PIK3AP1: variants seen among roughly 807,000 people sequenced by gnomAD.
PIK3AP1 encodes phosphoinositide-3-kinase adaptor protein 1.
PIK3AP1 carries 21 observed loss-of-function variants against 88.1 expected under a neutral mutation model. That is an observed-to-expected ratio of 0.24 (90% confidence interval 0.17 to 0.34). PIK3AP1 has a LOEUF of 0.34. PIK3AP1 is among the 10% of genes least tolerant of loss of function. The probability of loss-of-function intolerance (pLI) is 1.00; values close to 1 mark genes in which losing one functional copy is unlikely to be tolerated. For missense variants in PIK3AP1, 828 were observed against 1,035.7 expected (o/e 0.80, Z 2.75); for synonymous variants, 398 against 400.0 (o/e 1.00, Z 0.06).
At chr10:96,713,288 G>C (rs758668674) in intron 1 of PIK3AP1, among the ~76,000 whole-genome samples, 1 of 151,332 alleles carries the variant, frequency 6.6e-6, no homozygotes, top group Non-Finnish European at 1.5e-5. Context: ...ACGAGGTCAG[G>C]AGATCAAAAC....
chr10:96,654,454 T>TG (rs765017291), intron 3 of PIK3AP1, among the ~76,000 whole-genome samples: 98 of 152,038 alleles, frequency 6.4e-4, no homozygotes, highest in Non-Finnish European at 1.3e-3. Flanking sequence ...ACACGTGATG[T>TG]GGGGGGTGAT....
Position 96,604,039 on chromosome 10 carries a change from A to T in PIK3AP1, c.2181T>A (p.Ser727Arg). ...DSTSSTASST[S>R]NRSSTRSLLS... is the part of the protein sequence containing the mutation. ...GGAGGCTCCGGGTGCTGGAGCGGTT[A>T]CTTGTGCTACCTAAAGGGTAGAAAG... The change falls in exon 15 of 17, where the codon AGT becomes AGA. Residue 727 changes from serine to arginine, a missense_variant. Ser to Arg is a moderately radical substitution (Grantham distance 110). Around this residue, in one of 3 missense-constraint regions of PIK3AP1, gnomAD observed 191 missense variants for 208.6 expected, o/e 0.92. Coordinates refer to ENST00000339364, the MANE Select transcript of PIK3AP1 (RefSeq NM_152309.3). The T allele has an allele frequency of 6.2e-7, 1 of 1,601,854 alleles. No homozygotes were observed. The highest frequency in any genetic ancestry group is 8.5e-7 in the Non-Finnish European group (1 of 1,172,716).
intron 6 of PIK3AP1, among the ~76,000 whole-genome samples, chr10:96,649,715 T>C (rs1843511016): frequency 1.3e-5 from 2 of 152,212 alleles, no homozygotes; most frequent in Admixed American, 6.5e-5. Context: ...ATAAGTAAGA[T>C]AGTATTCAGC....
intron 6 of PIK3AP1, among the ~76,000 whole-genome samples, chr10:96,649,195 C>T (rs146584188): frequency 5.3e-4 from 81 of 152,242 alleles, no homozygotes; most frequent in Non-Finnish European, 9.4e-4. Flanking sequence ...TACAGCTGTG[C>T]ATCACGCCCA....
rs113659291 is a variant in PIK3AP1, at chr10:96,718,248, G to C, written c.13+2134C>G. On this transcript the variant is annotated intron_variant, in intron 1 of 16. Coordinates refer to ENST00000339364, the MANE Select transcript of PIK3AP1 (RefSeq NM_152309.3). The stretch of plus-strand genomic sequence containing the variant: ...GGTGATGGCTACACATATCTGTAAA[G>C]ATACTAAAAACCACTGAATTGTATG... 6.9e-3 allele frequency among the ~76,000 whole-genome samples: 1,055 copies of C among 152,358 alleles called. 11 individuals carry two copies. Among genetic ancestry groups the C allele is most frequent in the African/African-American group, 0.022 (935 of 41,580 alleles).
At chr10:96,639,863 A>G (rs1843361003) in intron 8 of PIK3AP1, among the ~76,000 whole-genome samples, 1 of 152,216 alleles carries the variant, frequency 6.6e-6, no homozygotes, top group Non-Finnish European at 1.5e-5. Flanking sequence ...TAATGTAGTC[A>G]TTTTGCATAC....
intron 11 of PIK3AP1, 62 bp from the exon 12 acceptor site, chr10:96,620,619 G>A: frequency 6.8e-7 from 1 of 1,460,348 alleles, no homozygotes; most frequent in Non-Finnish European, 9.5e-7. Flanking sequence ...CACCAGAAGT[G>A]TACGGTTAAT....
At chr10:96,634,450 C>T (rs536329588) in intron 8 of PIK3AP1, among the ~76,000 whole-genome samples, 1 of 152,296 alleles carries the variant, frequency 6.6e-6, no homozygotes, top group East Asian at 1.9e-4. Context: ...GTCGGCATCA[C>T]GATCAGAAGC....
At chr10:96,644,392 T>C (rs145725934) in intron 8 of PIK3AP1, among the ~76,000 whole-genome samples, 1 of 152,372 alleles carries the variant, frequency 6.6e-6, no homozygotes, top group African/African-American at 2.4e-5. Flanking sequence ...TATTTTTAAA[T>C]TTAATGTCAG....
At chr10:96,646,307 C>G (rs1843459489) in intron 7 of PIK3AP1, among the ~76,000 whole-genome samples, 1 of 151,722 alleles carries the variant, frequency 6.6e-6, no homozygotes, top group African/African-American at 2.4e-5. Context: ...ATGTCAGGTA[C>G]AATGCTAGGT....
intron 2 of PIK3AP1, among the ~76,000 whole-genome samples, chr10:96,673,499 C>G (rs768771486): frequency 2.0e-5 from 3 of 152,142 alleles, no homozygotes; most frequent in South Asian, 4.1e-4. Context: ...CTACCACAGC[C>G]CCCCCCGAAA....
chr10:96,613,943 G>A (rs1479659335), intron 13 of PIK3AP1, among the ~76,000 whole-genome samples: 1 of 152,146 alleles, frequency 6.6e-6, no homozygotes, highest in Non-Finnish European at 1.5e-5. Context: ...TGAGGCTCAG[G>A]GAGGTGACAT....
chr10:96,664,437 G>A (rs1843734143), intron 2 of PIK3AP1, among the ~76,000 whole-genome samples: 2 of 152,134 alleles, frequency 1.3e-5, no homozygotes, highest in South Asian at 2.1e-4. Flanking sequence ...TAGTGAGAAA[G>A]CATTTCTTTG....
At chr10:96,638,100 A>C (rs1245573937) in intron 8 of PIK3AP1, among the ~76,000 whole-genome samples, 1 of 152,188 alleles carries the variant, frequency 6.6e-6, no homozygotes, top group African/African-American at 2.4e-5. Context: ...GAAGGACACA[A>C]ATTTTGGAGG....
intron 8 of PIK3AP1, among the ~76,000 whole-genome samples, chr10:96,640,443 T>C (rs1222078471): frequency 6.6e-6 from 1 of 151,972 alleles, no homozygotes; most frequent in Non-Finnish European, 1.5e-5. Context: ...CAAAATTAAT[T>C]ACCTAGGTCC....
At chr10:96,623,605 T>C in intron 10 of PIK3AP1, 68 bp from the exon 11 acceptor site, 1 of 1,388,654 alleles carries the variant, frequency 7.2e-7, no homozygotes, top group Non-Finnish European at 1.0e-6. Context: ...ATAATAATAA[T>C]GAATCCATAC....
chr10:96,674,474 A>C (rs1487934256), intron 2 of PIK3AP1, among the ~76,000 whole-genome samples: 1 of 152,276 alleles, frequency 6.6e-6, no homozygotes, highest in Non-Finnish European at 1.5e-5. Context: ...TGAAAAGTGC[A>C]AGACAAAGTT....
intron 8 of PIK3AP1, among the ~76,000 whole-genome samples, chr10:96,638,395 A>G (rs1843339887): frequency 1.3e-5 from 2 of 151,914 alleles, no homozygotes; most frequent in South Asian, 4.2e-4. Flanking sequence ...TTTCTTTACA[A>G]ATTACCCAGT....
chr10:96,643,772 G>C (rs1481338919), intron 8 of PIK3AP1, among the ~76,000 whole-genome samples: 2 of 152,174 alleles, frequency 1.3e-5, no homozygotes, highest in African/African-American at 4.8e-5. Context: ...TGAGTTCATG[G>C]ATGGGAAAGT....
Sources: gnomAD v4.1 joint callset for allele counts (sites outside exome capture counted in the v4.1 genomes callset) on GRCh38, gnomAD v4.1.1 for gene constraint, gnomAD v4.1.1 regional missense constraint, MANE v1.5 for transcripts, NCBI Gene and HGNC (gene_info 2026-07-23, HGNC 2026-07-21) for gene names.